Variants in DHX16 observed in about 807,000 individuals in gnomAD.
The protein encoded by DHX16 is pre-mRNA-splicing factor ATP-dependent RNA helicase DHX16.
A neutral mutation model predicts 131.2 loss-of-function variants in DHX16; 81 were observed. The observed-to-expected ratio is 0.62, with a 90% CI of 0.52 to 0.74. DHX16 has a LOEUF of 0.74. Among genes scored for constraint, DHX16 ranks in the 30% least tolerant of loss-of-function variants. The pLI, the probability that DHX16 is intolerant of heterozygous loss-of-function variation, is 0.00. For synonymous variants in DHX16, 440 were observed against 520.2 expected (o/e 0.85, Z 2.10); for missense variants, 980 against 1,363.1 (o/e 0.72, Z 4.43).
In DHX16 at chr6:30,672,685, A is replaced by C. The variant is rs756049898; in HGVS notation, c.157T>G (p.Leu53Val). 2 of 1,612,814 alleles carry C rather than the reference A, an allele frequency of 1.2e-6. No individual in the cohort carries two copies. Among genetic ancestry groups the C allele is most frequent in the Admixed American group, 1.7e-5 (1 of 59,998 alleles). Reference sequence around the variant, plus strand: ...TCCCGGGCCGGCCCACTGAGATCCAAGGTATCAGTGTCTCGTAGGCGCTGC... The same window carrying C: ...TCCCGGGCCGGCCCACTGAGATCCACGGTATCAGTGTCTCGTAGGCGCTGC... The part of the protein sequence containing the change: ...FVQRLRDTDT[L>V]DLSGPARDFA... Residue 53 changes from leucine to valine, a missense_variant, in exon 1 of 20, where the codon TTG becomes GTG. By Grantham distance (32) the Leu-to-Val change is conservative. This residue lies in a region of DHX16 where 457 missense variants were observed against 554.8 expected (regional missense o/e 0.82). Coordinates refer to ENST00000376442, the MANE Select transcript of DHX16 (RefSeq NM_003587.5).
intron 9 of DHX16, chr6:30,661,660 T>A (rs949618702): frequency 1.4e-6 from 1 of 692,940 alleles, no homozygotes; most frequent in African/African-American, 1.8e-5. Context: ...CTTCTTTCTC[T>A]TTGTTCTTTG....
chr6:30,653,644 T>C (rs1274483811), intron 19 of DHX16, among the ~76,000 whole-genome samples: 1 of 3,884 alleles, frequency 2.6e-4, no homozygotes, highest in African/African-American at 1.8e-3. Flanking sequence ...CTGGGATGGT[T>C]TACAAAAATG....
In DHX16 at chr6:30,656,683, G is replaced by GCCCAGGC; in HGVS notation, c.2218_2224dup (p.Ala742GlyfsTer9). ...GGTTTCCTCAAGCTCGTGCTGATAG[G>GCCCAGGC]CCCAGGCGGTATACAGGCGGAAGCA... On this transcript the variant is annotated frameshift_variant, in exon 14 of 20. Coordinates refer to ENST00000376442, the MANE Select transcript of DHX16 (RefSeq NM_003587.5). LOFTEE classifies it high-confidence loss of function. The surrounding 1 kb of genome is among the most constrained non-coding windows in gnomAD (Gnocchi z 5.1). 6.2e-7 allele frequency: 1 copy of GCCCAGGC among 1,613,880 alleles called. No homozygotes were observed. Among genetic ancestry groups the GCCCAGGC allele is most frequent in the Non-Finnish European group, 8.5e-7 (1 of 1,180,024 alleles).
intron 9 of DHX16, among the ~76,000 whole-genome samples, chr6:30,661,220 C>T (rs1407019505): frequency 6.6e-6 from 1 of 152,136 alleles, no homozygotes; most frequent in Non-Finnish European, 1.5e-5. Flanking sequence ...GTAGCTGGGA[C>T]TACAGGTGCC....
At position 30,664,945 on chromosome 6, in the gene DHX16, G is replaced by A; in HGVS notation, c.1173C>T (p.Ser391=). The A allele has an allele frequency of 6.2e-7, 1 of 1,613,954 alleles. No homozygotes were observed. Among genetic ancestry groups the A allele is most frequent in the Non-Finnish European group, 8.5e-7 (1 of 1,180,024 alleles). The stretch of plus-strand genomic sequence containing the variant: ...GGAGGCTGCGGCGGACGGCCTGGAT[G>A]GACTCTTTCTGCTGGGCCTGAGTTG... ...PTSTQAQQKE[S]IQAVRRSLPV... Residue 391 remains serine (S), a synonymous_variant, in exon 7 of 20, where the codon TCC becomes TCT. Coordinates refer to ENST00000376442, the MANE Select transcript of DHX16 (RefSeq NM_003587.5).
At position 30,656,635 on chromosome 6, in the gene DHX16, G is replaced by C; in HGVS notation, c.2273C>G (p.Thr758Ser). 1 of 1,614,118 alleles carries C rather than the reference G, an allele frequency of 6.2e-7. No homozygotes were observed. Among genetic ancestry groups the C allele is most frequent in the Non-Finnish European group, 8.5e-7 (1 of 1,180,032 alleles). Reference protein sequence around the residue: ...EETTVPEIQRTSLGNVVLLLK... With the variant: ...EETTVPEIQRSSLGNVVLLLK... ...CAGCAACACGACATTGCCCAAGCTG[G>C]TCCTCTGGATCTCAGGCACTGTGGT... The change falls in exon 14 of 20, where the codon ACC becomes AGC. Residue 758 changes from threonine (T) to serine (S), a missense_variant. Physicochemically the swap from Thr to Ser is moderately conservative, Grantham distance 58. Around this residue, in one of 3 missense-constraint regions of DHX16, gnomAD observed 309 missense variants for 537.1 expected, o/e 0.58. Transcript: ENST00000376442. The surrounding 1 kb of genome is among the most constrained non-coding windows in gnomAD (Gnocchi z 5.1).
At chr6:30,661,373 G>A (rs903534523) in intron 9 of DHX16, among the ~76,000 whole-genome samples, 62 of 152,086 alleles carry the variant, frequency 4.1e-4, no homozygotes, top group Non-Finnish European at 5.9e-5. Flanking sequence ...GTGAGCCACC[G>A]CTCCCGGCTG....
At position 30,659,549 on chromosome 6, in the gene DHX16, C is replaced by T. The variant is rs760489918; in HGVS notation, c.1930G>A (p.Val644Met). Residue 644 changes from valine to methionine, a missense_variant, in exon 12 of 20, where the codon GTG (valine) becomes ATG (methionine). Val to Met is a conservative substitution (Grantham distance 21). Transcript: ENST00000376442. ...RLGSKIRELL[V>M]LPIYANLPSD... ...GGCAGATTGGCATAAATGGGCAGCA[C>T]CAGGAGCTCCCGGATTTTGGAGCCC... The T allele has an allele frequency of 3.7e-6, 6 of 1,612,102 alleles. No homozygotes were observed. In the South Asian group the frequency reaches 6.6e-5, roughly 18 times the overall value.
At chr6:30,667,225 G>A (rs1407392305) in intron 4 of DHX16, among the ~76,000 whole-genome samples, 1 of 152,098 alleles carries the variant, frequency 6.6e-6, no homozygotes, top group African/African-American at 2.4e-5. Flanking sequence ...TAGTTGTTGA[G>A]GAAAAGCTCT....
chr6:30,665,029 G>C lies in DHX16; in HGVS notation c.1126-37C>G. On this transcript the variant is annotated intron_variant, in intron 6 of 19. Coordinates refer to ENST00000376442, the MANE Select transcript of DHX16 (RefSeq NM_003587.5). The surrounding 1 kb of genome is among the most constrained non-coding windows in gnomAD (Gnocchi z 4.8). ...GAAGGAGGTGTGAGCTAAATAGCTC[G>C]CTACGGGTCTTCCTCAGAAAGTCTC... 8 of 1,613,440 alleles carry C rather than the reference G, an allele frequency of 5.0e-6. No homozygotes were observed. The highest frequency in any genetic ancestry group is 6.8e-6 in the Non-Finnish European group (8 of 1,179,506).
At chr6:30,659,891 C>A (rs1768336723) in intron 10 of DHX16, 57 bp from the exon 11 acceptor site, 31 of 1,574,848 alleles carry the variant, frequency 2.0e-5, no homozygotes, top group Non-Finnish European at 2.7e-5. Context: ...GCAAACCTTT[C>A]CTCTCCTCCC....
chr6:30,671,867 G>A (rs1215348670), intron 1 of DHX16, among the ~76,000 whole-genome samples: 1 of 150,934 alleles, frequency 6.6e-6, no homozygotes, highest in Non-Finnish European at 1.5e-5. Context: ...TTTTTTTGTA[G>A]GACGAAGGTT....
intron 19 of DHX16, 148 bp downstream of exon 19, chr6:30,654,558 C>CA (rs1226266130): frequency 2.5e-3 from 2,019 of 794,460 alleles, no homozygotes; most frequent in South Asian, 4.2e-3. Context: ...TCAAAAAAAA[C>CA]AAAAAAAAAC....
chr6:30,656,537 G>A lies in DHX16; in HGVS notation c.2312-28C>T. ...AGAAAGAGGTGTGATGGATGGAACAGAGTCCCTTCAAAGGACAGTGACTCC... is the reference window on the plus strand; with the variant it reads ...AGAAAGAGGTGTGATGGATGGAACAAAGTCCCTTCAAAGGACAGTGACTCC... On this transcript the variant is annotated intron_variant, in intron 14 of 19. Coordinates refer to ENST00000376442, the MANE Select transcript of DHX16 (RefSeq NM_003587.5). The surrounding 1 kb of genome is among the most constrained non-coding windows in gnomAD (Gnocchi z 5.1). 1.2e-6 allele frequency: 2 copies of A among 1,614,048 alleles called. No individual in the cohort carries two copies. The highest frequency in any genetic ancestry group is 1.7e-6 in the Non-Finnish European group (2 of 1,179,922).
intron 12 of DHX16, 138 bp from the exon 13 acceptor site, chr6:30,657,230 G>C (rs2127579977): frequency 1.2e-6 from 1 of 859,762 alleles, no homozygotes; most frequent in Non-Finnish European, 1.7e-6. Flanking sequence ...TCCAAGGTCA[G>C]GAGCAGGGGA....
Position 30,655,437 on chromosome 6 carries a change from G to A in DHX16, c.2659C>T (p.Gln887Ter). The change falls in exon 17 of 20, where the codon CAG (glutamine) becomes TAG (stop). Residue 887 changes from glutamine (Q) to a stop codon, truncating the protein, a stop_gained and splice_region_variant. Transcript: ENST00000376442. LOFTEE classifies it high-confidence loss of function. ...CCCACTCACCCAAGCCCAGTGACCT[G>A]TGTGTAAACATTTAGCAGAACCAGG... ...DHLVLLNVYT[Q>*]WAESGYSSQW... is the part of the protein sequence containing the mutation. 1.2e-6 allele frequency: 2 copies of A among 1,613,956 alleles called. No individual in the cohort carries two copies. Among genetic ancestry groups the A allele is most frequent in the Non-Finnish European group, 1.7e-6 (2 of 1,180,022 alleles).
At position 30,665,556 on chromosome 6, in the gene DHX16, C is replaced by T; in HGVS notation, c.844G>A (p.Glu282Lys). 1.2e-6 allele frequency: 2 copies of T among 1,613,086 alleles called. No individual in the cohort carries two copies. Among genetic ancestry groups the T allele is most frequent in the South Asian group, 1.1e-5 (1 of 91,086 alleles). ...TCCTGCTCCCCAGCTGCCCGGTACT[C>T]CCGGGCGAGATCCCGCACTCGCCGC... Reference protein sequence around the residue: ...YKRRVRDLAREYRAAGEQEKL... With the variant: ...YKRRVRDLARKYRAAGEQEKL... The change falls in exon 5 of 20, where the codon GAG becomes AAG. Residue 282 changes from glutamate (E) to lysine (K), a missense_variant. Around this residue, in one of 3 missense-constraint regions of DHX16, gnomAD observed 457 missense variants for 554.8 expected, o/e 0.82. Coordinates refer to ENST00000376442, the MANE Select transcript of DHX16 (RefSeq NM_003587.5). This position sits in a 1 kb window ranked among gnomAD's most constrained non-coding sequence, Gnocchi z 4.8.
intron 10 of DHX16, 59 bp from the exon 11 acceptor site, chr6:30,659,893 TC>T: frequency 6.4e-7 from 1 of 1,574,618 alleles, no homozygotes. Context: ...AAACCTTTCC[TC>T]TCCTCCCAAT....
In DHX16 at chr6:30,657,090, C is replaced by T; in HGVS notation, c.2010G>A (p.Val670=). ...FQPTPPGARK[V]VVATNIAETS... ...TCTCAGCAATGTTCGTTGCCACAAC[C>T]ACCTGAGTGATAGGATATGGGGTCA... Residue 670 remains valine (V), a splice_region_variant and synonymous_variant, in exon 13 of 20, where the codon GTG becomes GTA. Coordinates refer to ENST00000376442, the MANE Select transcript of DHX16 (RefSeq NM_003587.5). 15 of 1,612,090 alleles carry T rather than the reference C, an allele frequency of 9.3e-6. 1 individual carries two copies. Among genetic ancestry groups the T allele is most frequent in the Non-Finnish European group, 1.3e-5 (15 of 1,179,470 alleles).
Sources: gnomAD v4.1 joint callset for allele counts (sites outside exome capture counted in the v4.1 genomes callset) on GRCh38, gnomAD v4.1.1 for gene constraint, gnomAD v4.1.1 regional missense constraint, Gnocchi (gnomAD v3.1) non-coding constraint, MANE v1.5 for transcripts, NCBI Gene and HGNC (gene_info 2026-07-23, HGNC 2026-07-21) for gene names.